The following KCNN3 variants were observed in gnomAD, a reference collection of about 807,000 sequenced individuals.
KCNN3 encodes potassium calcium-activated channel subfamily N member 3.
KCNN3 carries 16 observed loss-of-function variants against 62.9 expected under a neutral mutation model. The observed-to-expected ratio is 0.25, with a 90% confidence interval of 0.17 to 0.39. KCNN3 has a LOEUF of 0.39. Among genes scored for constraint, KCNN3 ranks in the 10% least tolerant of loss-of-function variants. KCNN3 has a pLI of 1.00. For missense variants in KCNN3, 599 were observed against 949.4 expected (o/e 0.63, Z 4.85); for synonymous variants, 370 against 389.2 (o/e 0.95, Z 0.58).
chr1:154,861,342 G>A (rs1482883624), intron 1 of KCNN3, among the ~76,000 whole-genome samples: 2 of 152,074 alleles, frequency 1.3e-5, no homozygotes, highest in African/African-American at 2.4e-5. Context: ...CTGCAGCCCT[G>A]GTGGTTACTG....
At chr1:154,816,765 T>C (rs1650685135) in intron 2 of KCNN3, among the ~76,000 whole-genome samples, 1 of 152,242 alleles carries the variant, frequency 6.6e-6, no homozygotes. Flanking sequence ...TATATTTGCA[T>C]GCTGCAGATG....
At chr1:154,816,710 T>C (rs910752997) in intron 2 of KCNN3, among the ~76,000 whole-genome samples, 9 of 152,220 alleles carry the variant, frequency 5.9e-5, no homozygotes, top group Non-Finnish European at 4.4e-5. Context: ...TGGCCCATGA[T>C]GACGTGCTTC....
At chr1:154,718,213 T>C (rs1700271619) in intron 5 of KCNN3, among the ~76,000 whole-genome samples, 1 of 152,180 alleles carries the variant, frequency 6.6e-6, no homozygotes, top group African/African-American at 2.4e-5. Context: ...AGTCCAGCTG[T>C]CCTGCCTCCA....
At chr1:154,777,812 G>A (rs1648855391) in intron 2 of KCNN3, among the ~76,000 whole-genome samples, 1 of 152,210 alleles carries the variant, frequency 6.6e-6, no homozygotes, top group Non-Finnish European at 1.5e-5. Context: ...GAGTACCGTG[G>A]GCCCTCAAGT....
chr1:154,742,045 G>C (rs1429603112), intron 3 of KCNN3, among the ~76,000 whole-genome samples: 4 of 152,256 alleles, frequency 2.6e-5, no homozygotes, highest in African/African-American at 9.6e-5. Flanking sequence ...GGCATCTGCA[G>C]CGGCTCACTG....
intron 5 of KCNN3, among the ~76,000 whole-genome samples, chr1:154,725,548 T>C (rs1416835082): frequency 6.7e-6 from 1 of 150,352 alleles, no homozygotes; most frequent in East Asian, 1.9e-4. Flanking sequence ...CTTCCTTCTT[T>C]TTTTTTTTTT....
chr1:154,842,582 C>T (rs1651879639), intron 1 of KCNN3, among the ~76,000 whole-genome samples: 1 of 152,088 alleles, frequency 6.6e-6, no homozygotes. Flanking sequence ...GGCTGCTTCC[C>T]TAAGTGCCAG....
chr1:154,724,234 C>A (rs1700415284), intron 5 of KCNN3, among the ~76,000 whole-genome samples: 1 of 152,228 alleles, frequency 6.6e-6, no homozygotes, highest in South Asian at 2.1e-4. Context: ...CACTGCCTTC[C>A]CCAAGAGCTC....
intron 3 of KCNN3, among the ~76,000 whole-genome samples, chr1:154,755,654 A>G (rs550498289): frequency 1.6e-3 from 106 of 67,914 alleles, no homozygotes; most frequent in African/African-American, 3.7e-3. Context: ...GAAAGAAGAA[A>G]GGAAGGAAGG....
chr1:154,749,270 G>A (rs950942571), intron 3 of KCNN3, among the ~76,000 whole-genome samples: 3 of 152,282 alleles, frequency 2.0e-5, no homozygotes, highest in African/African-American at 7.2e-5. Flanking sequence ...GTGCTGCATA[G>A]GCAGTGCTCC....
At chr1:154,775,728 C>T (rs1035227393) in intron 2 of KCNN3, among the ~76,000 whole-genome samples, 2 of 152,272 alleles carry the variant, frequency 1.3e-5, no homozygotes, top group Middle Eastern at 3.4e-3. Flanking sequence ...CCTCCTCCTT[C>T]CCCAGTGCAG....
chr1:154,853,640 T>C (rs1371527216), intron 1 of KCNN3, among the ~76,000 whole-genome samples: 2 of 152,212 alleles, frequency 1.3e-5, no homozygotes, highest in South Asian at 2.1e-4. Context: ...GCTCTGAGCA[T>C]TTATTTAAAA....
chr1:154,771,733 G>C (rs1424560403), intron 3 of KCNN3, among the ~76,000 whole-genome samples: 11 of 152,188 alleles, frequency 7.2e-5, no homozygotes, highest in Admixed American at 7.2e-4. Context: ...GGTTTGCAAA[G>C]AAGGAACAGA....
chr1:154,866,132 C>A (rs1232449406), intron 1 of KCNN3, among the ~76,000 whole-genome samples: 2 of 152,174 alleles, frequency 1.3e-5, no homozygotes, highest in African/African-American at 2.4e-5. Flanking sequence ...CACCTCCCCC[C>A]AAGAATAAAC....
At chr1:154,777,771 G>T (rs1648853448) in intron 2 of KCNN3, among the ~76,000 whole-genome samples, 1 of 152,202 alleles carries the variant, frequency 6.6e-6, no homozygotes, top group African/African-American at 2.4e-5. Flanking sequence ...AAGTACTGAG[G>T]TGATGTGGAC....
chr1:154,718,324 A>T (rs888176983), intron 5 of KCNN3, among the ~76,000 whole-genome samples: 1 of 152,208 alleles, frequency 6.6e-6, no homozygotes, highest in Non-Finnish European at 1.5e-5. Flanking sequence ...GGGCTCTATG[A>T]TCTACTTTAG....
chr1:154,804,105 T>G (rs1650065084), intron 2 of KCNN3, among the ~76,000 whole-genome samples: 1 of 152,202 alleles, frequency 6.6e-6, no homozygotes, highest in Non-Finnish European at 1.5e-5. Flanking sequence ...GGGATGCACC[T>G]TGAAAGGAGG....
intron 2 of KCNN3, among the ~76,000 whole-genome samples, chr1:154,815,619 T>C (rs1650631596): frequency 6.6e-6 from 1 of 152,256 alleles, no homozygotes; most frequent in Non-Finnish European, 1.5e-5. Flanking sequence ...AAAGTAGTCC[T>C]ACAATAAATG....
At chr1:154,817,191 A>G (rs1237835137) in intron 2 of KCNN3, among the ~76,000 whole-genome samples, 3 of 152,234 alleles carry the variant, frequency 2.0e-5, no homozygotes, top group Admixed American at 1.3e-4. Context: ...TGAAAGGCTG[A>G]AGAAAGGGGC....
Sources: gnomAD v4.1 joint callset for allele counts (sites outside exome capture counted in the v4.1 genomes callset) on GRCh38, gnomAD v4.1.1 for gene constraint, MANE v1.5 for transcripts, NCBI Gene and HGNC (gene_info 2026-07-23, HGNC 2026-07-21) for gene names.